Variants in IGF2BP2 observed in about 807,000 individuals in gnomAD.
IGF2BP2 encodes insulin like growth factor 2 mRNA binding protein 2.
IGF2BP2 carries 17 observed loss-of-function variants against 75.8 expected under a neutral mutation model. The ratio of observed to expected loss-of-function variants is 0.22; its 90% CI spans 0.15 to 0.34. IGF2BP2 has a LOEUF of 0.34. Ranked by LOEUF, IGF2BP2 falls within the 10% of genes least tolerant of loss-of-function variation. The pLI is 1.00. For synonymous variants in IGF2BP2, 288 were observed against 295.6 expected, an observed-to-expected ratio of 0.97 and a Z score of 0.26; for missense variants, 516 against 772.4, an observed-to-expected ratio of 0.67 and a Z score of 3.93.
At chr3:185,769,830 CAAAAA>C (rs35418660) in intron 2 of IGF2BP2, among the ~76,000 whole-genome samples, 2 of 77,170 alleles carry the variant, frequency 2.6e-5, no homozygotes, top group Non-Finnish European at 2.5e-5. Flanking sequence ...ACCCTGTCTC[CAAAAA>C]AAAAAAAAAA....
intron 2 of IGF2BP2, among the ~76,000 whole-genome samples, chr3:185,822,356 T>C (rs891216722): frequency 1.2e-4 from 19 of 152,182 alleles, no homozygotes; most frequent in African/African-American, 4.3e-4. Flanking sequence ...GAAAAAAATT[T>C]AGAATGAGTA....
intron 7 of IGF2BP2, among the ~76,000 whole-genome samples, chr3:185,677,060 T>TGGAG (rs1560276152): frequency 5.7e-5 from 3 of 52,824 alleles, no homozygotes; most frequent in African/African-American, 2.7e-4. Context: ...TATATATATA[T>TGGAG]ATATATATAG....
At chr3:185,710,050 T>A (rs1246046550) in intron 2 of IGF2BP2, among the ~76,000 whole-genome samples, 1 of 151,946 alleles carries the variant, frequency 6.6e-6, no homozygotes, top group Admixed American at 6.6e-5. Flanking sequence ...AATAGGACAA[T>A]ATTGATCTCA....
At chr3:185,738,674 C>T (rs1578151887) in intron 2 of IGF2BP2, among the ~76,000 whole-genome samples, 1 of 152,332 alleles carries the variant, frequency 6.6e-6, no homozygotes, top group African/African-American at 2.4e-5. Flanking sequence ...GTTTTAATCT[C>T]TATCATTTAC....
intron 2 of IGF2BP2, among the ~76,000 whole-genome samples, chr3:185,711,256 A>G (rs952766514): frequency 8.5e-5 from 13 of 152,232 alleles, no homozygotes; most frequent in African/African-American, 3.1e-4. Context: ...AGTGGTGCTG[A>G]TAGAAATCCA....
chr3:185,694,457 G>A (rs544127929), intron 4 of IGF2BP2, among the ~76,000 whole-genome samples: 3 of 152,198 alleles, frequency 2.0e-5, no homozygotes, highest in South Asian at 4.1e-4. Flanking sequence ...ATTCTGTGAC[G>A]AGCTAAGCTC....
intron 2 of IGF2BP2, among the ~76,000 whole-genome samples, chr3:185,804,257 A>C (rs1738683004): frequency 1.7e-5 from 1 of 58,338 alleles, no homozygotes; most frequent in African/African-American, 1.0e-4. Flanking sequence ...CTACGTCTCA[A>C]AAAAAAAAAA....
intron 2 of IGF2BP2, among the ~76,000 whole-genome samples, chr3:185,732,170 C>G (rs945463716): frequency 6.6e-6 from 1 of 152,178 alleles, no homozygotes; most frequent in African/African-American, 2.4e-5. Context: ...ATACACTAAG[C>G]ACATGGCTCT....
intron 2 of IGF2BP2, among the ~76,000 whole-genome samples, chr3:185,798,363 A>G (rs941265373): frequency 5.9e-5 from 9 of 152,240 alleles, no homozygotes; most frequent in Admixed American, 5.2e-4. Flanking sequence ...CAACATTTTT[A>G]GAGACTTAGG....
intron 2 of IGF2BP2, among the ~76,000 whole-genome samples, chr3:185,710,707 T>C (rs1018619327): frequency 1.3e-5 from 2 of 151,704 alleles, no homozygotes; most frequent in African/African-American, 4.8e-5. Context: ...CACTCAAGCC[T>C]GGGCAATAGA....
chr3:185,808,757 G>C (rs925522295), intron 2 of IGF2BP2, among the ~76,000 whole-genome samples: 1 of 150,934 alleles, frequency 6.6e-6, no homozygotes, highest in East Asian at 1.9e-4. Flanking sequence ...TAGTAGAGAT[G>C]GGGTTTTGCC....
At chr3:185,684,727 G>C (rs1258396395) in intron 7 of IGF2BP2, among the ~76,000 whole-genome samples, 1 of 151,990 alleles carries the variant, frequency 6.6e-6, no homozygotes, top group East Asian at 1.9e-4. Flanking sequence ...ATTTCTTATA[G>C]CTGCACTTAA....
chr3:185,664,694 GAC>G (rs1717002675), intron 10 of IGF2BP2, among the ~76,000 whole-genome samples: 2 of 152,184 alleles, frequency 1.3e-5, no homozygotes, highest in South Asian at 4.1e-4. Flanking sequence ...TAGTAGGGAA[GAC>G]ACTGCTGAAA....
intron 2 of IGF2BP2, among the ~76,000 whole-genome samples, chr3:185,819,909 T>C (rs1199389699): frequency 6.6e-6 from 1 of 151,980 alleles, no homozygotes; most frequent in Non-Finnish European, 1.5e-5. Context: ...ACAAGCAAAA[T>C]ACAATTGAGA....
At chr3:185,705,108 C>G (rs1723830422) in intron 2 of IGF2BP2, among the ~76,000 whole-genome samples, 2 of 152,162 alleles carry the variant, frequency 1.3e-5, no homozygotes, top group African/African-American at 4.8e-5. Context: ...GCAAAGGGCT[C>G]CCCCGCAAGA....
chr3:185,794,220 C>T (rs2149882880), intron 2 of IGF2BP2, among the ~76,000 whole-genome samples: 1 of 152,100 alleles, frequency 6.6e-6, no homozygotes, highest in East Asian at 1.9e-4. Flanking sequence ...CCCAGCTTGG[C>T]CTCCCAAAGT....
intron 2 of IGF2BP2, among the ~76,000 whole-genome samples, chr3:185,794,431 C>T: frequency 1.4e-5 from 1 of 72,346 alleles, no homozygotes; most frequent in East Asian, 2.8e-4. Context: ...AACTTACATC[C>T]TCGCATTACT....
rs1712994384 is a variant in IGF2BP2 at position 185,643,582 on chromosome 3, C to G, written c.*1949G>C. 6.6e-6 allele frequency among the ~76,000 whole-genome samples: 1 copy of G among 152,124 alleles called. No homozygotes were observed. The highest frequency in any genetic ancestry group is 1.5e-5 in the Non-Finnish European group (1 of 68,034). On this transcript the variant is annotated 3_prime_UTR_variant, in exon 16 of 16. Transcript: ENST00000382199. ...TGACCACCGATCTAGTTTAGCTTCT[C>G]CCAAAGACTTTCCTGGGCAAAACCA...
intron 7 of IGF2BP2, among the ~76,000 whole-genome samples, chr3:185,682,480 T>C (rs1047341629): frequency 6.6e-6 from 1 of 152,156 alleles, no homozygotes; most frequent in African/African-American, 2.4e-5. Context: ...AAACTTTTGT[T>C]CCTTATAAAT....
Sources: allele counts gnomAD v4.1 joint callset (sites outside exome capture counted in the v4.1 genomes callset), GRCh38; gene constraint gnomAD v4.1.1; transcripts MANE v1.5; gene names NCBI Gene and HGNC (gene_info 2026-07-23, HGNC 2026-07-21).